The following TNNI3K variants were observed in gnomAD, a reference collection of about 807,000 sequenced individuals.
TNNI3K encodes TNNI3 interacting kinase, also known as serine/threonine-protein kinase TNNI3K.
TNNI3K carries 140 observed loss-of-function variants against 114.5 expected under a neutral mutation model. That is an observed-to-expected ratio of 1.22 (90% CI 1.07 to 1.41). The LOEUF is 1.41. Among genes scored for constraint, TNNI3K ranks in the 40% most tolerant of loss-of-function variants. TNNI3K has a pLI of 0.00. For synonymous variants in TNNI3K, 347 were observed against 347.5 expected (o/e 1.00, Z 0.02); for missense variants, 1,125 against 1,007.6 (o/e 1.12, Z -1.58).
chr1:74,244,926 T>C (rs911810630), intron 2 of TNNI3K, among the ~76,000 whole-genome samples: 3 of 152,076 alleles, frequency 2.0e-5, no homozygotes, highest in African/African-American at 4.8e-5. Context: ...CTGTTGAAAA[T>C]GTAGTAATAT....
intron 19 of TNNI3K, chr1:74,439,273 G>A: frequency 2.1e-6 from 1 of 479,944 alleles, no homozygotes; most frequent in South Asian, 8.8e-5. Context: ...ATTAAAAAAT[G>A]CCCTTTGAGG....
chr1:74,352,032 A>G (rs1661378330), intron 9 of TNNI3K, among the ~76,000 whole-genome samples: 3 of 152,022 alleles, frequency 2.0e-5, no homozygotes, highest in Admixed American at 2.0e-4. Context: ...CCTTTGGAGG[A>G]GGAGAGGTGC....
intron 6 of TNNI3K, 83 bp downstream of exon 6, chr1:74,331,631 T>C: frequency 8.4e-7 from 1 of 1,194,794 alleles, no homozygotes; most frequent in African/African-American, 1.6e-5. Context: ...TCAAAGAGTT[T>C]ATATTTAAAA....
intron 7 of TNNI3K, among the ~76,000 whole-genome samples, chr1:74,342,247 G>T (rs1333683045): frequency 6.6e-6 from 1 of 152,132 alleles, no homozygotes; most frequent in Admixed American, 6.6e-5. Context: ...ATGAAGAATT[G>T]AATTTTAAAT....
chr1:74,388,058 T>C (rs745387543), intron 17 of TNNI3K, among the ~76,000 whole-genome samples: 2 of 152,106 alleles, frequency 1.3e-5, no homozygotes, highest in Non-Finnish European at 2.9e-5. Flanking sequence ...GGTGGATAGA[T>C]CACATGGTCA....
chr1:74,368,915 T>A, intron 13 of TNNI3K, 107 bp from the exon 14 acceptor site: 1 of 961,824 alleles, frequency 1.0e-6, no homozygotes, highest in Non-Finnish European at 1.5e-6. Context: ...AAAAATTAAA[T>A]GTTATTAGGA....
rs185981315 is a variant in TNNI3K at position 74,287,390 on chromosome 1, G to A, written c.444+15682G>A. Among the ~76,000 whole-genome samples, 8 of 152,222 alleles carry A rather than the reference G, an allele frequency of 5.3e-5. No homozygotes were observed. In the East Asian group the frequency reaches 1.2e-3, roughly 22 times the overall value. ...GCCCAAAGAACCCCAAAGATACAGA[G>A]ATATTCACTGAGACACATCATAATT... On this transcript the variant is annotated intron_variant, in intron 5 of 24. Transcript: ENST00000326637.
intron 17 of TNNI3K, among the ~76,000 whole-genome samples, chr1:74,385,129 C>A (rs1360607763): frequency 1.3e-5 from 2 of 152,026 alleles, no homozygotes; most frequent in Non-Finnish European, 2.9e-5. Context: ...TGAAAGAAAG[C>A]ACACGTAAAA....
At chr1:74,337,082 G>A (rs1315523012) in intron 7 of TNNI3K, among the ~76,000 whole-genome samples, 1 of 150,924 alleles carries the variant, frequency 6.6e-6, no homozygotes, top group East Asian at 1.9e-4. Flanking sequence ...GTTTTGATTT[G>A]CATTTCTCTG....
chr1:74,368,798 A>G (rs1314813223), intron 13 of TNNI3K, among the ~76,000 whole-genome samples: 1 of 151,884 alleles, frequency 6.6e-6, no homozygotes, highest in Non-Finnish European at 1.5e-5. Flanking sequence ...GGTAACAAGG[A>G]GTGAGTAATC....
intron 5 of TNNI3K, among the ~76,000 whole-genome samples, chr1:74,330,873 G>T (rs1170004166): frequency 2.6e-5 from 4 of 152,154 alleles, no homozygotes; most frequent in Non-Finnish European, 5.9e-5. Context: ...AGAGTATAAA[G>T]ATGAATCTGA....
At chr1:74,423,914 C>T (rs1665511772) in intron 17 of TNNI3K, among the ~76,000 whole-genome samples, 4 of 152,118 alleles carry the variant, frequency 2.6e-5, no homozygotes, top group African/African-American at 4.8e-5. Flanking sequence ...ATTATAATTA[C>T]TTAATACCTA....
intron 24 of TNNI3K, chr1:74,541,422 A>G (rs1042852121): frequency 1.3e-5 from 2 of 152,182 alleles, no homozygotes; most frequent in Admixed American, 6.6e-5. Flanking sequence ...CATCAGTTTT[A>G]CAACATAATT....
At chr1:74,503,988 T>A (rs1456768766) in intron 23 of TNNI3K, among the ~76,000 whole-genome samples, 1 of 152,232 alleles carries the variant, frequency 6.6e-6, no homozygotes, top group African/African-American at 2.4e-5. Context: ...AAGTTAAAAC[T>A]ATCTCCATGA....
At chr1:74,370,573 T>C (rs568197250) in intron 17 of TNNI3K, 181 bp downstream of exon 17, 2 of 409,724 alleles carry the variant, frequency 4.9e-6, no homozygotes, top group African/African-American at 4.1e-5. Context: ...AGTAGAAAGC[T>C]GTATAACTGC....
At chr1:74,355,024 C>G (rs928925077) in intron 11 of TNNI3K, among the ~76,000 whole-genome samples, 2 of 152,096 alleles carry the variant, frequency 1.3e-5, no homozygotes, top group South Asian at 4.1e-4. Flanking sequence ...TATACACATA[C>G]ACTCCTAAGG....
chr1:74,467,363 C>T (rs1250712739), intron 21 of TNNI3K, among the ~76,000 whole-genome samples: 3 of 151,998 alleles, frequency 2.0e-5, no homozygotes, highest in African/African-American at 7.3e-5. Context: ...TCTGTCTTTA[C>T]TTCATTCCTT....
At chr1:74,425,074 A>G (rs1323576404) in intron 17 of TNNI3K, among the ~76,000 whole-genome samples, 1 of 152,084 alleles carries the variant, frequency 6.6e-6, no homozygotes, top group African/African-American at 2.4e-5. Flanking sequence ...CTTGTTTTAA[A>G]ATAAGGACGA....
intron 23 of TNNI3K, among the ~76,000 whole-genome samples, chr1:74,502,463 G>A (rs1205715600): frequency 6.6e-6 from 1 of 152,182 alleles, no homozygotes; most frequent in Non-Finnish European, 1.5e-5. Context: ...AAAAATGGTA[G>A]TTCATAATTT....
Sources: allele counts gnomAD v4.1 joint callset (sites outside exome capture counted in the v4.1 genomes callset), GRCh38; gene constraint gnomAD v4.1.1; transcripts MANE v1.5; gene names NCBI Gene and HGNC (gene_info 2026-07-23, HGNC 2026-07-21).